The following DIPK2B variants were observed in gnomAD, a reference collection of about 807,000 sequenced individuals.
DIPK2B encodes UPF0672 protein CXorf36.
Under a neutral mutation model 22.2 loss-of-function variants are expected in DIPK2B, and 15 were observed. The observed-to-expected ratio is 0.68, with a 90% CI of 0.45 to 1.04. The LOEUF (loss-of-function observed/expected upper bound fraction) is 1.04. DIPK2B is among the 50% of genes least tolerant of loss of function. The pLI, the probability that DIPK2B is intolerant of heterozygous loss-of-function variation, is 0.00. For missense variants in DIPK2B, 345 were observed against 348.3 expected (o/e 0.99, Z 0.08); for synonymous variants, 163 against 153.2 (o/e 1.06, Z -0.47).
At chrX:45,179,406 C>CA (rs1331608546) in intron 2 of DIPK2B, among the ~76,000 whole-genome samples, 3 of 109,302 alleles carry the variant, frequency 2.7e-5, no homozygotes, top group African/African-American at 1.0e-4. Context: ...TGTGAAGAAG[C>CA]AAAAAAACGG....
chrX:45,193,077 C>A (rs1248387319), intron 1 of DIPK2B, among the ~76,000 whole-genome samples: 1 of 112,845 alleles, frequency 8.9e-6, no homozygotes, highest in Admixed American at 9.3e-5. Context: ...CTGTGCCTGG[C>A]AGGCATTGGC....
In DIPK2B at chrX:45,154,342, A is replaced by G. The variant is rs142322261; in HGVS notation, c.673-144T>C. On this transcript the variant is annotated intron_variant, in intron 3 of 4. Coordinates refer to ENST00000398000, the MANE Select transcript of DIPK2B (RefSeq NM_176819.4). ...ATCTGTCTATCTATATCAATCATCT[A>G]TATCTATCATCTATCTCTATCATCT... 3,276 of 538,585 alleles carry G rather than the reference A, an allele frequency of 6.1e-3. 44 individuals carry two copies. The highest frequency in any genetic ancestry group is 0.058 in the South Asian group (1,716 of 29,428). 44.4% of individuals were successfully genotyped at this position (538,585 alleles called of 1,213,427 possible).
rs1375538869 is a variant in DIPK2B, at chrX:45,156,851, C to T, written c.672+864G>A. On this transcript the variant is annotated intron_variant, in intron 3 of 4. Coordinates refer to ENST00000398000, the MANE Select transcript of DIPK2B (RefSeq NM_176819.4). ...GGCCGGTGTTTATTAACTGTCTTTG[C>T]TGTGGCTTCTTCCTCCTCTACCTGC... Among the ~76,000 whole-genome samples the T allele has an allele frequency of 2.7e-5, 3 of 111,327 alleles. No individual in the cohort carries two copies. In the South Asian group the frequency reaches 1.1e-3, roughly 42 times the overall value.
At chrX:45,153,782 G>A in intron 4 of DIPK2B, 128 bp downstream of exon 4, 1 of 510,122 alleles carries the variant, frequency 2.0e-6, no homozygotes, top group Non-Finnish European at 3.2e-6. Context: ...CTCCGAACTT[G>A]AGTGGCTCTC....
At chrX:45,194,933 T>C (rs994539586) in intron 1 of DIPK2B, among the ~76,000 whole-genome samples, 1 of 111,815 alleles carries the variant, frequency 8.9e-6, no homozygotes, top group Admixed American at 9.5e-5. Flanking sequence ...CCCCACCTCC[T>C]AAGGAGGCTC....
At position 45,151,602 on chromosome X, in the gene DIPK2B, G is replaced by T; in HGVS notation, c.*50C>A. The T allele has an allele frequency of 8.9e-7, 1 of 1,119,584 alleles. No homozygotes were observed. The highest frequency in any genetic ancestry group is 1.2e-6 in the Non-Finnish European group (1 of 828,313). The allele number at this position is 1,119,584 out of a possible 1,213,427, so 92.3% of individuals were successfully genotyped here. ...CTACCTTGCAGCAACCCGACTGGGA[G>T]AATGGAGAGCCAAGCGTGTTGTCCC... is the stretch of plus-strand genomic sequence containing the variant. On this transcript the variant is annotated 3_prime_UTR_variant, in exon 5 of 5. Coordinates refer to ENST00000398000, the MANE Select transcript of DIPK2B (RefSeq NM_176819.4).
chrX:45,159,974 G>T (rs766998587), intron 2 of DIPK2B, among the ~76,000 whole-genome samples: 1 of 110,939 alleles, frequency 9.0e-6, no homozygotes, highest in Non-Finnish European at 1.9e-5. Context: ...ATCTCATGTG[G>T]AATTATAATC....
At chrX:45,165,188 G>A (rs1461280056) in intron 2 of DIPK2B, among the ~76,000 whole-genome samples, 1 of 111,415 alleles carries the variant, frequency 9.0e-6, no homozygotes, top group Non-Finnish European at 1.9e-5. Flanking sequence ...CAGAAGGGGA[G>A]CAAGGGACTG....
At chrX:45,168,825 C>A (rs1215672538) in intron 2 of DIPK2B, among the ~76,000 whole-genome samples, 1 of 112,084 alleles carries the variant, frequency 8.9e-6, no homozygotes, top group Non-Finnish European at 1.9e-5. Context: ...GATGGACAGC[C>A]TTCACCCCAA....
chrX:45,154,300 T>TA, intron 3 of DIPK2B, 102 bp from the exon 4 acceptor site: 3 of 635,507 alleles, frequency 4.7e-6, no homozygotes, highest in Non-Finnish European at 6.9e-6. Flanking sequence ...TCTATCTATC[T>TA]ATCTATCTAT....
At chrX:45,163,660 A>T (rs1185612380) in intron 2 of DIPK2B, 5 of 754,628 alleles carry the variant, frequency 6.6e-6, no homozygotes, top group Non-Finnish European at 7.8e-6. Flanking sequence ...CATGACTCTG[A>T]TGGAGGTACT....
At chrX:45,168,492 T>C (rs1186726665) in intron 2 of DIPK2B, among the ~76,000 whole-genome samples, 1 of 112,553 alleles carries the variant, frequency 8.9e-6, no homozygotes, top group Non-Finnish European at 1.9e-5. Flanking sequence ...ACAGTTTCTA[T>C]GGAAGACAGG....
At chrX:45,166,424 G>A (rs1176402282) in intron 2 of DIPK2B, among the ~76,000 whole-genome samples, 1 of 111,187 alleles carries the variant, frequency 9.0e-6, no homozygotes, top group Admixed American at 9.6e-5. Context: ...GGGAAGGGCA[G>A]CGGGTTAGGA....
At chrX:45,190,574 G>A (rs561384998) in intron 2 of DIPK2B, among the ~76,000 whole-genome samples, 18 of 111,909 alleles carry the variant, frequency 1.6e-4, no homozygotes, top group African/African-American at 5.2e-4. Context: ...ATTCATCTTC[G>A]AATACCCAGG....
At chrX:45,173,956 G>C (rs1391900644) in intron 2 of DIPK2B, among the ~76,000 whole-genome samples, 1 of 111,227 alleles carries the variant, frequency 9.0e-6, no homozygotes. Context: ...GCCTTCATGA[G>C]GTACTGTCTA....
intron 1 of DIPK2B, among the ~76,000 whole-genome samples, chrX:45,198,689 A>G (rs1211709231): frequency 9.0e-6 from 1 of 110,728 alleles, no homozygotes. Context: ...TGAATCCTTA[A>G]ATTTCTCTCC....
At chrX:45,164,779 A>C (rs1462427344) in intron 2 of DIPK2B, among the ~76,000 whole-genome samples, 2 of 111,744 alleles carry the variant, frequency 1.8e-5, no homozygotes, top group Admixed American at 1.9e-4. Flanking sequence ...CAGAAAAAAA[A>C]ATTAAAAGTT....
At chrX:45,163,292 A>G in intron 2 of DIPK2B, 1 of 549,454 alleles carries the variant, frequency 1.8e-6, no homozygotes, top group Non-Finnish European at 2.2e-6. Flanking sequence ...CAATCCCCAC[A>G]ATCATGTAAA....
intron 2 of DIPK2B, among the ~76,000 whole-genome samples, chrX:45,160,680 G>T (rs765572184): frequency 4.5e-5 from 5 of 112,030 alleles, no homozygotes; most frequent in Admixed American, 9.5e-5. Flanking sequence ...ACTACAGGGG[G>T]TTAGGGCTTT....
Sources: allele counts gnomAD v4.1 joint callset (sites outside exome capture counted in the v4.1 genomes callset), GRCh38; gene constraint gnomAD v4.1.1; transcripts MANE v1.5; gene names NCBI Gene and HGNC (gene_info 2026-07-23, HGNC 2026-07-21).